NFIC: variants seen among roughly 807,000 people sequenced by gnomAD.
The protein encoded by NFIC is nuclear factor I C.
Under a neutral mutation model 54.4 loss-of-function variants are expected in NFIC, and 12 were observed. The ratio of observed to expected loss-of-function variants is 0.22; its 90% CI spans 0.14 to 0.36. The LOEUF (loss-of-function observed/expected upper bound fraction) is 0.36, where lower values mean the gene tolerates loss of function less well. Among genes scored for constraint, NFIC ranks in the 10% least tolerant of loss-of-function variants. The probability of loss-of-function intolerance (pLI) is 1.00; values close to 1 mark genes in which losing one functional copy is unlikely to be tolerated. For synonymous variants in NFIC, 322 were observed against 319.2 expected, an observed-to-expected ratio of 1.01 and a Z score of -0.09; for missense variants, 575 against 718.2, an observed-to-expected ratio of 0.80 and a Z score of 2.28.
chr19:3,363,396 C>G (rs1320621216), upstream of NFIC, among the ~76,000 whole-genome samples: 1 of 150,764 alleles, frequency 6.6e-6, no homozygotes, highest in Non-Finnish European at 1.5e-5. Context: ...CTCAGCCTCC[C>G]GAGTAGCTGA....
intron 2 of NFIC, 91 bp from the exon 3 acceptor site, chr19:3,425,015 C>A: frequency 7.3e-7 from 1 of 1,375,306 alleles, no homozygotes; most frequent in Non-Finnish European, 1.0e-6. Context: ...ACTGGCCCAG[C>A]CCAGGACTGG....
At position 3,452,130 on chromosome 19, in the gene NFIC, G is replaced by C. The variant is rs2082474225; in HGVS notation, c.1085-352G>C. Among the ~76,000 whole-genome samples, 1 of 150,072 alleles carries C rather than the reference G, an allele frequency of 6.7e-6. No homozygotes were observed. Among genetic ancestry groups the C allele is most frequent in the African/African-American group, 2.5e-5 (1 of 40,500 alleles). The stretch of plus-strand genomic sequence containing the variant: ...AAAAAAAAAAAAAAAAAAAGACCAG[G>C]CTCAGTGGGTTACACCTGTAATCCC... On this transcript the variant is annotated intron_variant, in intron 7 of 10. Coordinates refer to ENST00000443272, the MANE Select transcript of NFIC (RefSeq NM_001245002.2). This position sits in a 1 kb window ranked among gnomAD's most constrained non-coding sequence, Gnocchi z 5.3.
rs1002724014 is a variant in NFIC at position 3,452,387 on chromosome 19, C to T, written c.1085-95C>T. On this transcript the variant is annotated intron_variant, in intron 7 of 10. Coordinates refer to ENST00000443272, the MANE Select transcript of NFIC (RefSeq NM_001245002.2). This position sits in a 1 kb window ranked among gnomAD's most constrained non-coding sequence, Gnocchi z 5.3. ...ATTGTTACTAAACGCACTGAGATGCCGGCAGGAATGACACCCACAGACACA... is the reference window on the plus strand; with the variant it reads ...ATTGTTACTAAACGCACTGAGATGCTGGCAGGAATGACACCCACAGACACA... The T allele has an allele frequency of 2.0e-5, 29 of 1,483,714 alleles. No individual in the cohort carries two copies. The highest frequency in any genetic ancestry group is 6.9e-5 in the East Asian group (3 of 43,268). The allele number at this position is 1,483,714 out of a possible 1,614,324, so 91.9% of individuals were successfully genotyped here. A position where few individuals can be genotyped will look rare whatever the true frequency, so the allele number is the denominator to read the frequency against.
At chr19:3,425,397 A>AC (rs1166856576) in intron 3 of NFIC, among the ~76,000 whole-genome samples, 1 of 151,878 alleles carries the variant, frequency 6.6e-6, no homozygotes, top group African/African-American at 2.4e-5. Flanking sequence ...CCCATGGGAG[A>AC]CCCCAGAGGG....
intron 7 of NFIC, among the ~76,000 whole-genome samples, chr19:3,450,707 G>C (rs184396385): frequency 6.6e-6 from 1 of 152,218 alleles, no homozygotes; most frequent in East Asian, 1.9e-4. Context: ...GTTGCCATTG[G>C]GATTAAGGGG....
Position 3,382,078 on chromosome 19 carries a change from G to A in NFIC, c.397G>A (p.Val133Ile). Reference sequence around the variant, plus strand: ...GGACAAGGTGTGGCGGCTGGACCTGGTCATGGTCATCCTGTTCAAGGGCAT... The same window carrying A: ...GGACAAGGTGTGGCGGCTGGACCTGATCATGGTCATCCTGTTCAAGGGCAT... ...QADKVWRLDL[V>I]MVILFKGIPL... Residue 133 changes from valine (V) to isoleucine (I), a missense_variant, in exon 2 of 11, where the codon GTC becomes ATC. Val to Ile is a conservative substitution (Grantham distance 29, BLOSUM62 3). Around this residue, in one of 3 missense-constraint regions of NFIC, gnomAD observed 447 missense variants for 526.9 expected, o/e 0.85. Transcript: ENST00000443272. 1.9e-6 allele frequency: 3 copies of A among 1,613,228 alleles called. No individual in the cohort carries two copies. Among genetic ancestry groups the A allele is most frequent in the Admixed American group, 1.7e-5 (1 of 60,034 alleles).
chr19:3,427,103 CT>C (rs1211440162), intron 3 of NFIC, among the ~76,000 whole-genome samples: 1 of 151,674 alleles, frequency 6.6e-6, no homozygotes, highest in East Asian at 1.9e-4. Flanking sequence ...ATTTTTTGTA[CT>C]TTTAGTAGAG....
intron 10 of NFIC, among the ~76,000 whole-genome samples, chr19:3,461,373 TGATGG>T: frequency 6.7e-6 from 1 of 150,230 alleles, no homozygotes; most frequent in Non-Finnish European, 1.5e-5. Flanking sequence ...CAGTGAGCTA[TGATGG>T]CACCACTGCA....
intron 2 of NFIC, among the ~76,000 whole-genome samples, chr19:3,387,762 G>A (rs2081320400): frequency 6.6e-6 from 1 of 151,992 alleles, no homozygotes; most frequent in Non-Finnish European, 1.5e-5. Context: ...GTAGTGAGTG[G>A]CGAGGGCCGT....
In NFIC at chr19:3,377,984, C is replaced by A. The variant is rs935177952; in HGVS notation, c.31-3728C>A. Among the ~76,000 whole-genome samples, 11 of 152,062 alleles carry A rather than the reference C, an allele frequency of 7.2e-5. No homozygotes were observed. In the East Asian group the frequency reaches 1.9e-3, roughly 27 times the overall value. On this transcript the variant is annotated intron_variant, in intron 1 of 10. Transcript: ENST00000443272. ...TGCCTGCCGGCCACAGTGGCTCACA[C>A]CTGTAATCCCAGCACTTTGGGAGGC...
At chr19:3,454,259 C>T (rs1402072151) in intron 9 of NFIC, 21 of 1,139,024 alleles carry the variant, frequency 1.8e-5, no homozygotes, top group Non-Finnish European at 2.0e-5. Context: ...AGTGGCGGCC[C>T]GAGGGCCAGA....
At chr19:3,384,056 T>TG (rs1345690032) in intron 2 of NFIC, among the ~76,000 whole-genome samples, 1 of 150,426 alleles carries the variant, frequency 6.6e-6, no homozygotes, top group African/African-American at 2.4e-5. Flanking sequence ...AGTGTTTTTT[T>TG]TTTTTTTTTT....
At chr19:3,366,099 A>AG (rs949157168), upstream of NFIC, among the ~76,000 whole-genome samples, 374 of 132,788 alleles carry the variant, frequency 2.8e-3, 1 homozygote, top group African/African-American at 9.4e-3. Context: ...GGGGGTGGGG[A>AG]GGGGGGGCCT....
rs2082599582 is a variant in NFIC, at chr19:3,458,907, TG to T, written c.1509+2275del. Among the ~76,000 whole-genome samples, 2 of 152,006 alleles carry T rather than the reference TG, an allele frequency of 1.3e-5. No individual in the cohort carries two copies. The highest frequency in any genetic ancestry group is 2.9e-5 in the Non-Finnish European group (2 of 67,958). Reference sequence around the variant, plus strand: ...TAGGGGGAAGGCGAGGTCCCCAAACTGGGCATCCAGGGAGCACAGGTCTGGG... The same window carrying T: ...TAGGGGGAAGGCGAGGTCCCCAAACTGGCATCCAGGGAGCACAGGTCTGGG... On this transcript the variant is annotated intron_variant, in intron 10 of 10. Transcript: ENST00000443272. This position sits in a 1 kb window ranked among gnomAD's most constrained non-coding sequence, Gnocchi z 4.1.
Position 3,467,781 on chromosome 19 carries a change from A to ATG in NFIC, c.*5013_*5014insGT, listed in dbSNP as rs1555685970. 1 of 135,142 alleles carries ATG rather than the reference A, an allele frequency of 7.4e-6. No individual in the cohort carries two copies. The highest frequency in any genetic ancestry group is 3.0e-5 in the African/African-American group (1 of 33,120). 8.4% of individuals were successfully genotyped at this position (135,142 alleles called of 1,614,324 possible). A position where few individuals can be genotyped will look rare whatever the true frequency, so the allele number is the denominator to read the frequency against. On this transcript the variant is annotated 3_prime_UTR_variant, in exon 11 of 11. Coordinates refer to ENST00000443272, the MANE Select transcript of NFIC (RefSeq NM_001245002.2). ...TACATATATATATATATATATATATATATATATAATTTTGGAATTTGTTTC... is the reference window on the plus strand; with the variant it reads ...TACATATATATATATATATATATATATGTATATATAATTTTGGAATTTGTTTC...
rs201124721 is a variant in NFIC at position 3,433,564 on chromosome 19, C to T, written c.681C>T (p.Ser227=). ...QESFVTSGVF[S]VTELIQVSRT... ...GCTTTGTCACCTCCGGCGTGTTCAG[C>T]GTCACTGAGCTCATCCAAGTGTCCC... The change falls in exon 4 of 11, where the codon AGC becomes AGT. Residue 227 remains serine, a synonymous_variant. Transcript: ENST00000443272. 92 of 1,613,978 alleles carry T rather than the reference C, an allele frequency of 5.7e-5. No individual in the cohort carries two copies. The highest frequency in any genetic ancestry group is 1.2e-4 in the South Asian group (11 of 91,088).
intron 1 of NFIC, among the ~76,000 whole-genome samples, chr19:3,360,996 T>C (rs2080803541): frequency 6.6e-6 from 1 of 152,182 alleles, no homozygotes; most frequent in Admixed American, 6.5e-5. Context: ...AGTTCCTTTT[T>C]TCCTGTAACT....
chr19:3,454,527 G>C (rs1253587875), intron 9 of NFIC, among the ~76,000 whole-genome samples: 2 of 151,966 alleles, frequency 1.3e-5, no homozygotes, highest in Non-Finnish European at 2.9e-5. Context: ...TCTGGATGTG[G>C]TTCTGGGTGG....
chr19:3,381,639 C>T, intron 1 of NFIC, 73 bp from the exon 2 acceptor site: 1 of 1,529,750 alleles, frequency 6.5e-7, no homozygotes, highest in Non-Finnish European at 8.7e-7. Context: ...CCGACCTCAG[C>T]CTTCGGGGCC....
Sources: gnomAD v4.1 joint callset for allele counts (sites outside exome capture counted in the v4.1 genomes callset) on GRCh38, gnomAD v4.1.1 for gene constraint, gnomAD v4.1.1 regional missense constraint, Gnocchi (gnomAD v3.1) non-coding constraint, MANE v1.5 for transcripts, NCBI Gene and HGNC (gene_info 2026-07-23, HGNC 2026-07-21) for gene names.